TRIP12: variants seen among roughly 807,000 people sequenced by gnomAD.
TRIP12 encodes thyroid hormone receptor interactor 12, also known as E3 ubiquitin-protein ligase TRIP12.
Under a neutral mutation model 244.2 loss-of-function variants are expected in TRIP12, and 25 were observed. That is an observed-to-expected ratio of 0.10 (90% CI 0.07 to 0.14). The LOEUF is 0.14. Ranked by LOEUF, TRIP12 falls within the 10% of genes least tolerant of loss-of-function variation. The pLI is 1.00. For missense variants in TRIP12, 1,677 were observed against 2,486.4 expected, an observed-to-expected ratio of 0.67 and a Z score of 6.92; for synonymous variants, 905 against 873.1, an observed-to-expected ratio of 1.04 and a Z score of -0.64.
intron 8 of TRIP12, among the ~76,000 whole-genome samples, chr2:229,824,059 G>A (rs775765670): frequency 1.8e-4 from 27 of 152,108 alleles, no homozygotes; most frequent in Admixed American, 4.6e-4. Flanking sequence ...TTTATAACAC[G>A]TATATATAGG....
intron 8 of TRIP12, among the ~76,000 whole-genome samples, chr2:229,822,470 G>T (rs1244618304): frequency 6.6e-6 from 1 of 152,170 alleles, no homozygotes; most frequent in Non-Finnish European, 1.5e-5. Flanking sequence ...CTAGCAAGAG[G>T]TGAAATGAGT....
intron 39 of TRIP12, among the ~76,000 whole-genome samples, chr2:229,770,413 A>G (rs1553570684): frequency 1.3e-5 from 2 of 152,238 alleles, no homozygotes; most frequent in Non-Finnish European, 2.9e-5. Context: ...GCCTACAAGT[A>G]TCAGGCACAC....
chr2:229,882,236 T>C (rs2065033420), intron 1 of TRIP12, among the ~76,000 whole-genome samples: 1 of 152,236 alleles, frequency 6.6e-6, no homozygotes, highest in African/African-American at 2.4e-5. Flanking sequence ...TTATTATTAC[T>C]ATAAACATTT....
chr2:229,851,707 G>A (rs1233217641), intron 4 of TRIP12, among the ~76,000 whole-genome samples: 4 of 152,168 alleles, frequency 2.6e-5, no homozygotes, highest in South Asian at 4.2e-4. Context: ...AGCCCACCGG[G>A]AGGAAGGAAC....
At chr2:229,840,222 A>G (rs189572946) in intron 5 of TRIP12, among the ~76,000 whole-genome samples, 23 of 152,344 alleles carry the variant, frequency 1.5e-4, no homozygotes, top group African/African-American at 5.5e-4. Context: ...AGGTCCTGCT[A>G]CTGTCAACAG....
chr2:229,829,878 G>C lies in TRIP12; in HGVS notation c.1355-590C>G, dbSNP rs189220154. On this transcript the variant is annotated intron_variant, in intron 7 of 41. Coordinates refer to ENST00000675903, the MANE Select transcript of TRIP12 (RefSeq NM_001348323.3). The stretch of plus-strand genomic sequence containing the variant: ...GCAGGAGAATCATTTGAACACGGGA[G>C]GTGGAGTTTGCAGTGAGCTGAGATC... Among the ~76,000 whole-genome samples, 104 of 152,282 alleles carry C rather than the reference G, an allele frequency of 6.8e-4. 1 individual carries two copies. The highest frequency in any genetic ancestry group is 6.8e-3 in the Middle Eastern group (2 of 294).
chr2:229,818,037 T>A (rs1398428266), intron 9 of TRIP12, among the ~76,000 whole-genome samples: 4 of 152,030 alleles, frequency 2.6e-5, no homozygotes. Flanking sequence ...TATTGCTCCG[T>A]GGATCACCAG....
intron 33 of TRIP12, among the ~76,000 whole-genome samples, chr2:229,786,332 T>C (rs1480319711): frequency 1.3e-5 from 2 of 151,560 alleles, no homozygotes; most frequent in African/African-American, 2.4e-5. Flanking sequence ...AAGGTCCTGC[T>C]AGATTTCTAA....
At position 229,786,703 on chromosome 2, in the gene TRIP12, C is replaced by T. The variant is rs140921277; in HGVS notation, c.4995+802G>A. On this transcript the variant is annotated intron_variant, in intron 33 of 41. Coordinates refer to ENST00000675903, the MANE Select transcript of TRIP12 (RefSeq NM_001348323.3). ...AAGTGCTGGGATTACAGGCAGGAGC[C>T]ACCACACACCGGGCCCAAGAAGATT... is the stretch of plus-strand genomic sequence containing the variant. Among the ~76,000 whole-genome samples, 1,077 of 151,740 alleles carry T rather than the reference C, an allele frequency of 7.1e-3. 7 individuals carry two copies. The highest frequency in any genetic ancestry group is 0.024 in the Middle Eastern group (7 of 294).
At chr2:229,850,763 C>G (rs2058512309) in intron 4 of TRIP12, among the ~76,000 whole-genome samples, 1 of 152,216 alleles carries the variant, frequency 6.6e-6, no homozygotes, top group South Asian at 2.1e-4. Context: ...CGCTTGCGGG[C>G]CAGCTGGAGT....
chr2:229,897,469 G>A (rs2069181858), intron 1 of TRIP12, among the ~76,000 whole-genome samples: 1 of 152,128 alleles, frequency 6.6e-6, no homozygotes, highest in South Asian at 2.1e-4. Flanking sequence ...CCAATGTGGT[G>A]AAACCTCGTC....
chr2:229,840,664 T>C (rs1424750332), intron 5 of TRIP12, among the ~76,000 whole-genome samples, 158 bp downstream of exon 5: 1 of 152,116 alleles, frequency 6.6e-6, no homozygotes, highest in East Asian at 1.9e-4. Flanking sequence ...ATCGCGCCAC[T>C]GCACTCCAGC....
chr2:229,871,578 A>AT (rs1422882632), intron 2 of TRIP12, among the ~76,000 whole-genome samples: 1 of 152,064 alleles, frequency 6.6e-6, no homozygotes, highest in Non-Finnish European at 1.5e-5. Context: ...TTCTGCCGTG[A>AT]TTTTAAGCTC....
chr2:229,852,211 T>G (rs1017522160), intron 4 of TRIP12, among the ~76,000 whole-genome samples: 1 of 152,186 alleles, frequency 6.6e-6, no homozygotes, highest in Non-Finnish European at 1.5e-5. Flanking sequence ...CTTTAAATAA[T>G]AGAGAGTAAA....
intron 39 of TRIP12, among the ~76,000 whole-genome samples, chr2:229,770,127 C>T (rs981480822): frequency 5.9e-5 from 9 of 152,032 alleles, no homozygotes; most frequent in East Asian, 1.9e-4. Flanking sequence ...CATACCACCA[C>T]GCCCAGCTAA....
chr2:229,768,527 A>G, intron 41 of TRIP12, 89 bp downstream of exon 41: 3 of 1,206,726 alleles, frequency 2.5e-6, no homozygotes, highest in East Asian at 2.4e-5. Context: ...CAAGTGAGAT[A>G]AAGAATCTCC....
chr2:229,880,125 TTCAC>T lies in TRIP12; in HGVS notation c.-49-1_-47del. On this transcript the variant is annotated splice_acceptor_variant and 5_prime_UTR_variant, in exon 2 of 42. Coordinates refer to ENST00000675903, the MANE Select transcript of TRIP12 (RefSeq NM_001348323.3). LOFTEE classifies it low-confidence loss of function (5UTR_SPLICE). ...GACATACCCTTTCTAGACACTACCA[TTCAC>T]TAAAAGAAAAAAAAATAAACAAAAT... 6.6e-7 allele frequency: 1 copy of T among 1,526,054 alleles called. No individual in the cohort carries two copies. The highest frequency in any genetic ancestry group is 2.0e-5 in the Admixed American group (1 of 49,564). 94.5% of individuals were successfully genotyped at this position (1,526,054 alleles called of 1,614,324 possible). A position where few individuals can be genotyped will look rare whatever the true frequency, so the allele number is the denominator to read the frequency against.
At chr2:229,905,810 A>G (rs1265462277) in intron 1 of TRIP12, among the ~76,000 whole-genome samples, 1 of 152,188 alleles carries the variant, frequency 6.6e-6, no homozygotes, top group East Asian at 1.9e-4. Context: ...GAGAGAACAC[A>G]TGCACTGCAC....
At chr2:229,867,684 T>A (rs557188479) in intron 2 of TRIP12, among the ~76,000 whole-genome samples, 23 of 152,264 alleles carry the variant, frequency 1.5e-4, no homozygotes, top group Non-Finnish European at 2.8e-4. Context: ...ATTCCAAGAC[T>A]GGGAAAGCTT....
Sources: allele counts gnomAD v4.1 joint callset (sites outside exome capture counted in the v4.1 genomes callset), GRCh38; gene constraint gnomAD v4.1.1; transcripts MANE v1.5; gene names NCBI Gene and HGNC (gene_info 2026-07-23, HGNC 2026-07-21).